Variants in ARHGAP39 observed in about 807,000 individuals in gnomAD.
The protein encoded by ARHGAP39 is Rho GTPase activating protein 39, also known as rho GTPase-activating protein 39.
Under a neutral mutation model 106.9 loss-of-function variants are expected in ARHGAP39, and 44 were observed. The ratio of observed to expected loss-of-function variants is 0.41; its 90% CI spans 0.32 to 0.53. The LOEUF (loss-of-function observed/expected upper bound fraction) is 0.53, where lower values mean the gene tolerates loss of function less well. Among genes scored for constraint, ARHGAP39 ranks in the 20% least tolerant of loss-of-function variants. The probability of loss-of-function intolerance (pLI) is 0.21; values close to 1 mark genes in which losing one functional copy is unlikely to be tolerated. For missense variants in ARHGAP39, 1,496 were observed against 1,577.3 expected, an observed-to-expected ratio of 0.95 and a Z score of 0.87; for synonymous variants, 768 against 693.2, an observed-to-expected ratio of 1.11 and a Z score of -1.69.
At position 144,670,704 on chromosome 8, in the gene ARHGAP39, T is replaced by G. The variant is rs976538608; in HGVS notation, c.-82+14982A>C. Among the ~76,000 whole-genome samples the G allele has an allele frequency of 3.3e-5, 5 of 152,074 alleles. No homozygotes were observed. The highest frequency in any genetic ancestry group is 7.4e-5 in the Non-Finnish European group (5 of 68,006). On this transcript the variant is annotated intron_variant, in intron 1 of 11. Coordinates refer to ENST00000377307, the MANE Select transcript of ARHGAP39 (RefSeq NM_025251.3). This position sits in a 1 kb window ranked among gnomAD's most constrained non-coding sequence, Gnocchi z 4.4. ...CAGGCCCCAGACTCAATCTCCCTCC[T>G]GGAGGCTTGCCCTGAGCTCCTCATC...
chr8:144,624,282 T>C (rs147935357), intron 1 of ARHGAP39, among the ~76,000 whole-genome samples: 165 of 152,322 alleles, frequency 1.1e-3, no homozygotes, highest in African/African-American at 3.8e-3. Context: ...GGATACACTT[T>C]TGGGCTTGGA....
At chr8:144,601,268 C>G (rs1819916502) in intron 2 of ARHGAP39, among the ~76,000 whole-genome samples, 4 of 122,350 alleles carry the variant, frequency 3.3e-5, no homozygotes, top group Admixed American at 2.6e-4. Flanking sequence ...GCTCGTGAAC[C>G]TGTGTGTGTG....
chr8:144,571,088 T>C (rs1385215971), intron 3 of ARHGAP39, among the ~76,000 whole-genome samples: 1 of 152,168 alleles, frequency 6.6e-6, no homozygotes, highest in East Asian at 1.9e-4. Context: ...TCTGAAACTA[T>C]TCCAATCAAC....
chr8:144,660,938 T>C (rs1821806318), intron 1 of ARHGAP39, among the ~76,000 whole-genome samples: 1 of 152,060 alleles, frequency 6.6e-6, no homozygotes, highest in Non-Finnish European at 1.5e-5. Context: ...TGAGCTGAGA[T>C]TGTGCCATCG....
chr8:144,558,045 T>C (rs1818011196), intron 3 of ARHGAP39, among the ~76,000 whole-genome samples: 1 of 152,216 alleles, frequency 6.6e-6, no homozygotes, highest in Admixed American at 6.5e-5. Context: ...GAGGCTGTGC[T>C]GTGTGGTGGT....
rs183569577 is a variant in ARHGAP39, at chr8:144,638,215, C to T, written c.-81-32520G>A. Reference sequence around the variant, plus strand: ...CTTTCTCTGCTGCTGAGAAGGCAGCCGGCCGTCTGTACTGCTGGCACTGCC... The same window carrying T: ...CTTTCTCTGCTGCTGAGAAGGCAGCTGGCCGTCTGTACTGCTGGCACTGCC... On this transcript the variant is annotated intron_variant, in intron 1 of 11. Transcript: ENST00000377307. Among the ~76,000 whole-genome samples, 252 of 152,300 alleles carry T rather than the reference C, an allele frequency of 1.7e-3. 1 individual carries two copies. Among genetic ancestry groups the T allele is most frequent in the African/African-American group, 5.5e-3 (230 of 41,558 alleles).
Position 144,610,706 on chromosome 8 carries a change from C to T in ARHGAP39, c.-81-5011G>A, listed in dbSNP as rs1405205740. Reference sequence around the variant, plus strand: ...CAGCCTGGGCGACAGTGAGAGACTCCGTCTCAAAAAAAAAAAATTTTTTTT... The same window carrying T: ...CAGCCTGGGCGACAGTGAGAGACTCTGTCTCAAAAAAAAAAAATTTTTTTT... On this transcript the variant is annotated intron_variant, in intron 1 of 11. Coordinates refer to ENST00000377307, the MANE Select transcript of ARHGAP39 (RefSeq NM_025251.3). Among the ~76,000 whole-genome samples, 5 of 148,254 alleles carry T rather than the reference C, an allele frequency of 3.4e-5. No homozygotes were observed. In the East Asian group the frequency reaches 5.8e-4, roughly 17 times the overall value.
chr8:144,536,046 C>G (rs562835611), intron 7 of ARHGAP39, among the ~76,000 whole-genome samples: 2 of 152,230 alleles, frequency 1.3e-5, no homozygotes, highest in East Asian at 3.9e-4. Flanking sequence ...GGCCAGGCAC[C>G]AAGGTGTCTG....
chr8:144,660,766 G>A (rs974261109), intron 1 of ARHGAP39, among the ~76,000 whole-genome samples: 2 of 152,100 alleles, frequency 1.3e-5, no homozygotes, highest in African/African-American at 4.8e-5. Context: ...GATCACTTGA[G>A]GTCAGGAGTT....
At chr8:144,594,277 G>A (rs531192662) in intron 2 of ARHGAP39, among the ~76,000 whole-genome samples, 3 of 152,242 alleles carry the variant, frequency 2.0e-5, no homozygotes, top group East Asian at 3.9e-4. Context: ...ACCCACTGGA[G>A]GTAAAAGCCA....
At chr8:144,540,424 G>C (rs1817142348) in intron 6 of ARHGAP39, among the ~76,000 whole-genome samples, 2 of 152,168 alleles carry the variant, frequency 1.3e-5, no homozygotes, top group Admixed American at 1.3e-4. Context: ...CCACCCTGGA[G>C]ACCCTGTCTC....
chr8:144,576,356 A>AAG, intron 3 of ARHGAP39, among the ~76,000 whole-genome samples: 1 of 149,404 alleles, frequency 6.7e-6, no homozygotes, highest in African/African-American at 2.5e-5. Flanking sequence ...AAAAAAAAAA[A>AAG]AGAACGAAAA....
intron 3 of ARHGAP39, among the ~76,000 whole-genome samples, chr8:144,578,978 G>A (rs1340158799): frequency 6.6e-6 from 1 of 152,048 alleles, no homozygotes; most frequent in Non-Finnish European, 1.5e-5. Flanking sequence ...GGAGGTGGGT[G>A]GATCACGAGG....
At chr8:144,690,301 C>T (rs1056647206), upstream of ARHGAP39, among the ~76,000 whole-genome samples, 7 of 151,594 alleles carry the variant, frequency 4.6e-5, no homozygotes, top group African/African-American at 1.7e-4. Context: ...TTAGTAGAGG[C>T]GGGTTTTCAC....
At chr8:144,690,811 ATTTTTTTT>A (rs113293471), upstream of ARHGAP39, among the ~76,000 whole-genome samples, 1 of 116,310 alleles carries the variant, frequency 8.6e-6, no homozygotes, top group African/African-American at 3.2e-5. Flanking sequence ...CACCCAGCTG[ATTTTTTTT>A]TTTTTTTTTT....
intron 1 of ARHGAP39, among the ~76,000 whole-genome samples, chr8:144,606,326 C>T (rs1180256476): frequency 6.6e-6 from 1 of 152,200 alleles, no homozygotes; most frequent in Non-Finnish European, 1.5e-5. Context: ...TCCTCTGCCT[C>T]CCCTGAGACA....
At chr8:144,540,296 T>C (rs1586879876) in intron 6 of ARHGAP39, among the ~76,000 whole-genome samples, 1 of 152,154 alleles carries the variant, frequency 6.6e-6, no homozygotes, top group African/African-American at 2.4e-5. Flanking sequence ...CTCGAGATGT[T>C]GAGGCAGGGG....
At chr8:144,622,516 G>T (rs1820832315) in intron 1 of ARHGAP39, among the ~76,000 whole-genome samples, 1 of 152,038 alleles carries the variant, frequency 6.6e-6, no homozygotes, top group South Asian at 2.1e-4. Context: ...CGCCCTCCCA[G>T]GAGAGGAGGC....
rs765814746 is a variant in ARHGAP39, at chr8:144,548,389, C to T, written c.697G>A (p.Ala233Thr). ...SFLAAQGNGY[A>T]PDGPPGVRSR... ...CGGACCCCAGGTGGGCCGTCTGGGG[C>T]GTAGCCATTGCCCTGGGCGGCGAGG... Residue 233 changes from alanine to threonine, a missense_variant, in exon 5 of 12, where the codon GCC becomes ACC. This residue lies in a region of ARHGAP39 where 905 missense variants were observed against 816.4 expected (regional missense o/e 1.11). Transcript: ENST00000377307. This position sits in a 1 kb window ranked among gnomAD's most constrained non-coding sequence, Gnocchi z 7.4. 3.0e-5 allele frequency: 49 copies of T among 1,610,274 alleles called. 1 individual carries two copies. The South Asian group carries it at 3.7e-4, about 12-fold the overall frequency.
Sources: allele counts gnomAD v4.1 joint callset (sites outside exome capture counted in the v4.1 genomes callset), GRCh38; gene constraint gnomAD v4.1.1; regional missense constraint gnomAD v4.1.1; non-coding constraint Gnocchi (gnomAD v3.1); transcripts MANE v1.5; gene names NCBI Gene and HGNC (gene_info 2026-07-23, HGNC 2026-07-21).